The following HSD17B12 variants were observed in gnomAD, a reference collection of about 807,000 sequenced individuals.
The protein encoded by HSD17B12 is hydroxysteroid 17-beta dehydrogenase 12.
HSD17B12 carries 32 observed loss-of-function variants against 39.3 expected under a neutral mutation model. That is an observed-to-expected ratio of 0.81 (90% confidence interval 0.61 to 1.09). The LOEUF (loss-of-function observed/expected upper bound fraction) is 1.09. Ranked by LOEUF, HSD17B12 falls within the 50% of genes least tolerant of loss-of-function variation. HSD17B12 has a pLI of 0.00. For synonymous variants in HSD17B12, 150 were observed against 146.7 expected (o/e 1.02, Z -0.16); for missense variants, 342 against 382.9 (o/e 0.89, Z 0.89).
chr11:43,668,042 C>A, the HSD17B12 span, among the ~76,000 whole-genome samples: 5 of 152,052 alleles, frequency 3.3e-5, no homozygotes, highest in African/African-American at 1.2e-4. Flanking sequence ...GGCTAGGGAC[C>A]AGAGCATGAT....
the HSD17B12 span, chr11:43,641,133 A>T: frequency 1.3e-5 from 2 of 151,820 alleles, no homozygotes; most frequent in Non-Finnish European, 2.9e-5. Flanking sequence ...ATCTTAACTG[A>T]TGTAAAACAT....
At chr11:43,656,777 A>G in the HSD17B12 span, among the ~76,000 whole-genome samples, 4 of 151,980 alleles carry the variant, frequency 2.6e-5, 1 homozygote, top group Non-Finnish European at 4.4e-5. Flanking sequence ...AGTTTGTTAT[A>G]ATTTCTGTTC....
At chr11:43,619,359 T>C in the HSD17B12 span, among the ~76,000 whole-genome samples, 333 of 145,004 alleles carry the variant, frequency 2.3e-3, 3 homozygotes, top group African/African-American at 7.9e-3. Context: ...TGAGCACTTA[T>C]GCATTCAAGC....
chr11:43,667,087 ATAAAT>A, the HSD17B12 span, among the ~76,000 whole-genome samples: 22 of 152,248 alleles, frequency 1.4e-4, no homozygotes, highest in African/African-American at 4.3e-4. Context: ...TTCATAAGTA[ATAAAT>A]TAAGAGAAAA....
the HSD17B12 span, among the ~76,000 whole-genome samples, chr11:43,602,440 C>T: frequency 2.6e-5 from 4 of 152,066 alleles, no homozygotes; most frequent in Non-Finnish European, 4.4e-5. Context: ...TTGTACAACT[C>T]ATTAATTTGT....
chr11:43,735,988 T>C (rs1344486401), intron 1 of HSD17B12, among the ~76,000 whole-genome samples: 1 of 152,214 alleles, frequency 6.6e-6, no homozygotes, highest in African/African-American at 2.4e-5. Context: ...CCTTCCGTGT[T>C]ACTCCCACAT....
intron 1 of HSD17B12, among the ~76,000 whole-genome samples, chr11:43,694,494 A>G (rs538152238): frequency 6.6e-6 from 1 of 152,012 alleles, no homozygotes; most frequent in South Asian, 2.1e-4. Context: ...TGAGCCCAGG[A>G]GTTCCAGATC....
At chr11:43,573,011 G>A in the HSD17B12 span, among the ~76,000 whole-genome samples, 13,309 of 152,190 alleles carry the variant, frequency 0.087, 628 homozygotes, top group South Asian at 0.14. Context: ...TCTGGGCTTC[G>A]CTCACCCTGA....
the HSD17B12 span, among the ~76,000 whole-genome samples, chr11:43,563,612 C>T: frequency 2.6e-5 from 4 of 152,246 alleles, no homozygotes; most frequent in South Asian, 2.1e-4. Flanking sequence ...CCCAGGAGTT[C>T]GAGACCAGCC....
At position 43,690,400 on chromosome 11, in the gene HSD17B12, A is replaced by ATTTTTTTTTT. The variant is rs1565049826; in HGVS notation, c.160+9414_160+9415insTTTTTTTTTT. Among the ~76,000 whole-genome samples the ATTTTTTTTTT allele has an allele frequency of 2.6e-4, 7 of 27,162 alleles. 1 individual carries two copies. The highest frequency in any genetic ancestry group is 4.6e-4 in the African/African-American group (2 of 4,320). The allele number at this position is 27,162 out of a possible 152,430, so 17.8% of individuals were successfully genotyped here. A position where few individuals can be genotyped will look rare whatever the true frequency, so the allele number is the denominator to read the frequency against. On this transcript the variant is annotated intron_variant, in intron 1 of 10. Coordinates refer to ENST00000278353, the MANE Select transcript of HSD17B12 (RefSeq NM_016142.3). ...TATATATATATATATATATATATAT[A>ATTTTTTTTTT]TATATTTTTTTTTTTTTTTTTCTGA...
chr11:43,647,373 T>G, the HSD17B12 span, among the ~76,000 whole-genome samples: 1 of 151,758 alleles, frequency 6.6e-6, no homozygotes, highest in Non-Finnish European at 1.5e-5. Flanking sequence ...ACTCCCAGGC[T>G]CAAGCTATCC....
At chr11:43,765,688 T>C (rs999877491) in intron 3 of HSD17B12, among the ~76,000 whole-genome samples, 1 of 152,232 alleles carries the variant, frequency 6.6e-6, no homozygotes, top group African/African-American at 2.4e-5. Context: ...GTTTCATTTT[T>C]GGACAGTGTT....
chr11:43,671,655 A>G, the HSD17B12 span, among the ~76,000 whole-genome samples: 1 of 152,260 alleles, frequency 6.6e-6, no homozygotes, highest in Non-Finnish European at 1.5e-5. Context: ...TTTTAATCAT[A>G]TATTATTGAG....
chr11:43,801,144 GAA>G (rs377362246), intron 4 of HSD17B12, among the ~76,000 whole-genome samples: 2 of 139,802 alleles, frequency 1.4e-5, no homozygotes, highest in East Asian at 4.1e-4. Flanking sequence ...GTCTCAAAAA[GAA>G]AAAAAAAAGA....
intron 3 of HSD17B12, among the ~76,000 whole-genome samples, chr11:43,785,746 T>C (rs1565088755): frequency 6.6e-6 from 1 of 152,212 alleles, no homozygotes; most frequent in Non-Finnish European, 1.5e-5. Context: ...TCTGAAATTA[T>C]ATCAATTTTT....
the HSD17B12 span, among the ~76,000 whole-genome samples, chr11:43,563,904 A>T: frequency 1.6e-4 from 25 of 152,122 alleles, no homozygotes; most frequent in African/African-American, 6.0e-4. Context: ...GTTTTACTGC[A>T]ATACATTCTT....
the HSD17B12 span, among the ~76,000 whole-genome samples, chr11:43,594,968 G>A: frequency 6.6e-6 from 1 of 152,110 alleles, no homozygotes; most frequent in Non-Finnish European, 1.5e-5. Flanking sequence ...GACCACTGTG[G>A]TATTTCTACA....
chr11:43,617,865 C>T, the HSD17B12 span, among the ~76,000 whole-genome samples: 644 of 152,260 alleles, frequency 4.2e-3, 4 homozygotes, highest in African/African-American at 0.015. Context: ...CTGCAAGGTT[C>T]GTGATTAGTG....
At chr11:43,643,436 A>C in the HSD17B12 span, among the ~76,000 whole-genome samples, 1 of 152,160 alleles carries the variant, frequency 6.6e-6, no homozygotes, top group African/African-American at 2.4e-5. Flanking sequence ...TCCTGAAAGA[A>C]TGAACTCTTA....
Sources: gnomAD v4.1 joint callset for allele counts (sites outside exome capture counted in the v4.1 genomes callset) on GRCh38, gnomAD v4.1.1 for gene constraint, MANE v1.5 for transcripts, NCBI Gene and HGNC (gene_info 2026-07-23, HGNC 2026-07-21) for gene names.